TEAD3: variants seen among roughly 807,000 people sequenced by gnomAD.
TEAD3 encodes the protein transcriptional enhancer factor TEF-5.
Under a neutral mutation model 55.6 loss-of-function variants are expected in TEAD3, and 15 were observed. The observed-to-expected ratio is 0.27, with a 90% CI of 0.18 to 0.42. The LOEUF is 0.42. TEAD3 is among the 10% of genes least tolerant of loss of function. TEAD3 has a pLI of 1.00. For missense variants in TEAD3, 407 were observed against 576.8 expected (o/e 0.71, Z 3.01); for synonymous variants, 210 against 232.2 (o/e 0.90, Z 0.87).
chr6:35,476,409 A>T, exon 9 of TEAD3: 1 of 1,613,040 alleles, frequency 6.2e-7, no homozygotes, highest in Non-Finnish European at 8.5e-7. Flanking sequence ...GCAGCAGCTG[A>T]GGGGAGCGGG....
chr6:35,475,820 G>C lies in TEAD3; in HGVS notation c.900+99C>G. On this transcript the variant is annotated intron_variant, in intron 10 of 12. Transcript: ENST00000639578. This position sits in a 1 kb window ranked among gnomAD's most constrained non-coding sequence, Gnocchi z 5.4. ...CTCTGGCACTCTGCCCACAAGCCAT[G>C]AGGATGCAGCAGGGTCAGAGGTCAA... 1 of 1,504,398 alleles carries C rather than the reference G, an allele frequency of 6.6e-7. No homozygotes were observed. The highest frequency in any genetic ancestry group is 1.4e-5 in the African/African-American group (1 of 71,824). 93.2% of individuals were successfully genotyped at this position (1,504,398 alleles called of 1,614,324 possible).
At position 35,475,316 on chromosome 6, in the gene TEAD3, G is replaced by C; in HGVS notation, c.1194+20C>G. ...GGCCCTGGCCTGTGGGACTCCCCACGACCCCTGCTGCCCCCATACCTGCAG... is the reference window on the plus strand; with the variant it reads ...GGCCCTGGCCTGTGGGACTCCCCACCACCCCTGCTGCCCCCATACCTGCAG... On this transcript the variant is annotated intron_variant, in intron 12 of 12. Coordinates refer to ENST00000639578, the Ensembl canonical transcript of TEAD3. This position sits in a 1 kb window ranked among gnomAD's most constrained non-coding sequence, Gnocchi z 5.4. The C allele has an allele frequency of 6.2e-7, 1 of 1,610,848 alleles. No homozygotes were observed. Among genetic ancestry groups the C allele is most frequent in the Non-Finnish European group, 8.5e-7 (1 of 1,177,808 alleles).
chr6:35,490,033 G>A (rs1303708847), intron 1 of TEAD3, among the ~76,000 whole-genome samples: 1 of 152,138 alleles, frequency 6.6e-6, no homozygotes. Flanking sequence ...GCTGTTAGAG[G>A]GGAGGGAGAA....
chr6:35,481,518 C>T (rs917805031), intron 3 of TEAD3, among the ~76,000 whole-genome samples: 2 of 152,218 alleles, frequency 1.3e-5, no homozygotes, highest in Admixed American at 1.3e-4. Context: ...AGGAATCAGA[C>T]TCCTGTCCAG....
intron 5 of TEAD3, among the ~76,000 whole-genome samples, chr6:35,478,980 A>G (rs1429747979): frequency 6.6e-6 from 1 of 150,924 alleles, no homozygotes; most frequent in Non-Finnish European, 1.5e-5. Flanking sequence ...CCTGAGTTCA[A>G]GCAATTTTCT....
Position 35,483,560 on chromosome 6 carries a change from C to T in TEAD3, c.267+1000G>A, listed in dbSNP as rs1768304555. 6.6e-6 allele frequency among the ~76,000 whole-genome samples: 1 copy of T among 152,188 alleles called. No individual in the cohort carries two copies. Among genetic ancestry groups the T allele is most frequent in the South Asian group, 2.1e-4 (1 of 4,834 alleles). On this transcript the variant is annotated intron_variant, in intron 3 of 12. Coordinates refer to ENST00000639578, the Ensembl canonical transcript of TEAD3. This position sits in a 1 kb window ranked among gnomAD's most constrained non-coding sequence, Gnocchi z 4.5. Reference sequence around the variant, plus strand: ...CCACTACCCTCATCCCAGGCCCTGGCACTGTTGATCTAGGCCTCTGCTTAT... The same window carrying T: ...CCACTACCCTCATCCCAGGCCCTGGTACTGTTGATCTAGGCCTCTGCTTAT...
intron 3 of TEAD3, among the ~76,000 whole-genome samples, chr6:35,481,877 T>C (rs1464768005): frequency 1.3e-5 from 2 of 152,220 alleles, no homozygotes; most frequent in African/African-American, 4.8e-5. Context: ...CAGAGCTTCA[T>C]TCTAACTTAA....
intron 8 of TEAD3, 105 bp downstream of exon 8, chr6:35,477,206 T>A (rs1375900114): frequency 8.3e-7 from 1 of 1,199,260 alleles, no homozygotes; most frequent in Non-Finnish European, 1.2e-6. Flanking sequence ...CTCCTGTAGA[T>A]GTCGCAACCC....
chr6:35,478,776 A>G (rs1301208247), intron 5 of TEAD3, among the ~76,000 whole-genome samples: 2 of 152,134 alleles, frequency 1.3e-5, no homozygotes, highest in African/African-American at 4.8e-5. Context: ...CCAAGTGCCC[A>G]TCACCGCTGA....
At chr6:35,487,408 C>T (rs756877317) in intron 1 of TEAD3, among the ~76,000 whole-genome samples, 16 of 151,952 alleles carry the variant, frequency 1.1e-4, no homozygotes, top group Non-Finnish European at 1.8e-4. Flanking sequence ...AAAAATTAGC[C>T]GGGCATGGTG....
chr6:35,492,004 G>A (rs1768531673), intron 1 of TEAD3, among the ~76,000 whole-genome samples: 1 of 152,142 alleles, frequency 6.6e-6, no homozygotes, highest in African/African-American at 2.4e-5. Context: ...TTGGTAGGAG[G>A]CACAGAAAAA....
At chr6:35,478,155 T>G in intron 7 of TEAD3, 120 bp downstream of exon 7, 1 of 1,257,122 alleles carries the variant, frequency 8.0e-7, no homozygotes, top group Non-Finnish European at 1.1e-6. Flanking sequence ...CCACCCAGCC[T>G]GCATCCCTCT....
chr6:35,496,047 G>A lies in TEAD3; in HGVS notation c.-50+851C>T, dbSNP rs1049444574. On this transcript the variant is annotated intron_variant, in intron 1 of 12. Transcript: ENST00000639578. This position sits in a 1 kb window ranked among gnomAD's most constrained non-coding sequence, Gnocchi z 4.8. ...AATGACACTGCCCCAGGGCCCAGCT[G>A]GGCTGGAAAACAGATCCAGACCAGC... Among the ~76,000 whole-genome samples, 1 of 152,168 alleles carries A rather than the reference G, an allele frequency of 6.6e-6. No homozygotes were observed. The highest frequency in any genetic ancestry group is 2.4e-5 in the African/African-American group (1 of 41,440).
chr6:35,478,245 G>C (rs984281669), intron 7 of TEAD3, 30 bp downstream of exon 7: 4 of 1,612,174 alleles, frequency 2.5e-6, no homozygotes, highest in Non-Finnish European at 3.4e-6. Flanking sequence ...AGGAGGAAGA[G>C]GGCGTGGGAT....
At chr6:35,490,187 G>A (rs1256287432) in intron 1 of TEAD3, among the ~76,000 whole-genome samples, 3 of 152,166 alleles carry the variant, frequency 2.0e-5, no homozygotes, top group African/African-American at 2.4e-5. Flanking sequence ...AGCAGGCTGT[G>A]GCCCCCCCTT....
chr6:35,493,747 A>T (rs185873249), intron 1 of TEAD3, among the ~76,000 whole-genome samples: 1 of 152,350 alleles, frequency 6.6e-6, no homozygotes. Flanking sequence ...ACAGATCGCC[A>T]CTCATCCGGC....
At chr6:35,480,156 A>G (rs1768237118) in intron 3 of TEAD3, 156 bp downstream of exon 4, 6 of 1,549,828 alleles carry the variant, frequency 3.9e-6, no homozygotes, top group Non-Finnish European at 5.2e-6. Context: ...AAAAGAACAG[A>G]AAGAGCGGAA....
downstream of TEAD3, chr6:35,474,775 C>T (rs560467247): frequency 1.9e-4 from 81 of 423,822 alleles, no homozygotes; most frequent in African/African-American, 1.4e-3. Flanking sequence ...TGAGGTCACG[C>T]GAGGCTGGGC....
rs1443760509 is a variant in TEAD3 at position 35,496,398 on chromosome 6, CCG to C, written c.-50+498_-50+499del. Among the ~76,000 whole-genome samples, 1 of 152,082 alleles carries C rather than the reference CCG, an allele frequency of 6.6e-6. No individual in the cohort carries two copies. The highest frequency in any genetic ancestry group is 1.5e-5 in the Non-Finnish European group (1 of 67,996). ...TCCACAACCCAGCGCAGCCGCGGCA[CCG>C]CGCGCAGAAACCGGCCTGGGCGCTG... On this transcript the variant is annotated intron_variant, in intron 1 of 12. Transcript: ENST00000639578. This position sits in a 1 kb window ranked among gnomAD's most constrained non-coding sequence, Gnocchi z 4.8.
Sources: allele counts gnomAD v4.1 joint callset (sites outside exome capture counted in the v4.1 genomes callset), GRCh38; gene constraint gnomAD v4.1.1; non-coding constraint Gnocchi (gnomAD v3.1); transcripts MANE v1.5; gene names NCBI Gene and HGNC (gene_info 2026-07-23, HGNC 2026-07-21).